Variants in NEBL observed in about 807,000 individuals in gnomAD.
The protein encoded by NEBL is nebulette.
Under a neutral mutation model 140.2 loss-of-function variants are expected in NEBL, and 122 were observed. That is an observed-to-expected ratio of 0.87 (90% CI 0.75 to 1.01). The LOEUF is 1.01. NEBL is among the 50% of genes least tolerant of loss of function. The pLI, the probability that NEBL is intolerant of heterozygous loss-of-function variation, is 0.00. For missense variants in NEBL, 1,365 were observed against 1,231.3 expected, an observed-to-expected ratio of 1.11 and a Z score of -1.62; for synonymous variants, 436 against 398.9, an observed-to-expected ratio of 1.09 and a Z score of -1.11.
At chr10:20,927,818 C>G (rs996152569) in intron 4 of NEBL, among the ~76,000 whole-genome samples, 5 of 152,150 alleles carry the variant, frequency 3.3e-5, no homozygotes, top group Non-Finnish European at 7.3e-5. Context: ...GTTTCCTAAA[C>G]TGTTTCTGCT....
intron 7 of NEBL, among the ~76,000 whole-genome samples, chr10:20,861,575 C>A (rs940091402): frequency 3.9e-5 from 6 of 152,156 alleles, no homozygotes; most frequent in African/African-American, 1.4e-4. Context: ...AAAGGATATT[C>A]ACTGAACAAA....
At chr10:21,199,533 C>T (rs959535974) in intron 3 of NEBL, among the ~76,000 whole-genome samples, 17 of 152,166 alleles carry the variant, frequency 1.1e-4, no homozygotes, top group Non-Finnish European at 1.9e-4. Flanking sequence ...CTGACTAAAA[C>T]TAGATAGTAC....
Position 20,869,927 on chromosome 10 carries a change from TC to T in NEBL, c.481-87del, listed in dbSNP as rs1844749480. The T allele has an allele frequency of 3.2e-6, 3 of 925,464 alleles. No individual in the cohort carries two copies. The African/African-American group carries it at 4.9e-5, about 15-fold the overall frequency. 57.3% of individuals were successfully genotyped at this position (925,464 alleles called of 1,614,324 possible). A position where few individuals can be genotyped will look rare whatever the true frequency, so the allele number is the denominator to read the frequency against. On this transcript the variant is annotated intron_variant, in intron 5 of 27. Coordinates refer to ENST00000377122, the MANE Select transcript of NEBL (RefSeq NM_006393.3). ...TCTTAGTGTTCATAACATTATTTAT[TC>T]TCATAATAATAGCTTAGAGAGCCTA...
intron 2 of NEBL, among the ~76,000 whole-genome samples, chr10:21,083,949 G>T (rs1836501596): frequency 6.6e-6 from 1 of 152,224 alleles, no homozygotes; most frequent in Admixed American, 6.5e-5. Context: ...TTACTGAAGA[G>T]CCTATGGCCT....
In NEBL at chr10:21,254,245, C is replaced by T. The variant is rs924363317; in HGVS notation, n.183-2417G>A. On this transcript the variant is annotated intron_variant and non_coding_transcript_variant, in intron 1 of 8. Coordinates refer to the NEBL transcript ENST00000675702. ...CTTGAACCACTGGGCTCAAGTGATCCTCCCATCTCAGCCTTCCAAATAGCT... is the reference window on the plus strand; with the variant it reads ...CTTGAACCACTGGGCTCAAGTGATCTTCCCATCTCAGCCTTCCAAATAGCT... 3.3e-5 allele frequency among the ~76,000 whole-genome samples: 5 copies of T among 152,084 alleles called. No homozygotes were observed. The South Asian group carries it at 1.0e-3, about 31-fold the overall frequency.
intron 1 of NEBL, among the ~76,000 whole-genome samples, chr10:21,292,646 T>G (rs1237069411): frequency 6.6e-6 from 1 of 152,192 alleles, no homozygotes; most frequent in East Asian, 1.9e-4. Flanking sequence ...AAAAAGGACT[T>G]TTTCCCTCTA....
chr10:21,180,886 A>G (rs187995603), intron 3 of NEBL, among the ~76,000 whole-genome samples: 1 of 152,266 alleles, frequency 6.6e-6, no homozygotes, highest in Non-Finnish European at 1.5e-5. Context: ...ACTCTCCTAG[A>G]CAGGATGTAG....
At chr10:21,163,808 TC>T (rs1332579925) in intron 2 of NEBL, among the ~76,000 whole-genome samples, 3 of 150,944 alleles carry the variant, frequency 2.0e-5, no homozygotes, top group African/African-American at 7.5e-5. Context: ...TTCTGGCTCC[TC>T]CTAGAATTCA....
chr10:20,900,305 T>C (rs1408660791), upstream of NEBL, among the ~76,000 whole-genome samples: 1 of 152,226 alleles, frequency 6.6e-6, no homozygotes, highest in Non-Finnish European at 1.5e-5. Flanking sequence ...CCATGTCCTC[T>C]AGGGCAAATT....
intron 12 of NEBL, among the ~76,000 whole-genome samples, chr10:20,841,905 T>C (rs965515522): frequency 6.6e-6 from 1 of 152,128 alleles, no homozygotes; most frequent in Non-Finnish European, 1.5e-5. Context: ...ATTTCACCCA[T>C]TTGAATGTCA....
rs186595036 is a variant in NEBL, at chr10:20,810,900, A to G, written c.2519-1002T>C. 2.2e-3 allele frequency among the ~76,000 whole-genome samples: 332 copies of G among 152,352 alleles called. 1 individual carries two copies. The highest frequency in any genetic ancestry group is 7.7e-3 in the African/African-American group (322 of 41,588). The stretch of plus-strand genomic sequence containing the variant: ...CACCTAATTAATTTAAGTTTCATAC[A>G]TATTATCCTCATTTTGTAGATGAGG... On this transcript the variant is annotated intron_variant, in intron 24 of 27. Transcript: ENST00000377122.
At chr10:21,125,995 T>A (rs1838809216) in intron 2 of NEBL, 1 of 1,614,098 alleles carries the variant, frequency 6.2e-7, no homozygotes, top group Non-Finnish European at 8.5e-7. Flanking sequence ...GGGCGGCTTG[T>A]AGAGACTGAA....
At chr10:21,048,451 CAAA>C (rs10626391) in intron 2 of NEBL, among the ~76,000 whole-genome samples, 1 of 103,208 alleles carries the variant, frequency 9.7e-6, no homozygotes. Flanking sequence ...AAATTTCTAC[CAAA>C]AAAAAAAAAA....
At chr10:20,856,894 G>A (rs1399054146) in intron 9 of NEBL, among the ~76,000 whole-genome samples, 1 of 151,722 alleles carries the variant, frequency 6.6e-6, no homozygotes, top group Non-Finnish European at 1.5e-5. Flanking sequence ...GAGCACATTG[G>A]TGCCATCTCA....
chr10:21,227,550 G>A (rs1213599024), intron 3 of NEBL, among the ~76,000 whole-genome samples: 1 of 152,238 alleles, frequency 6.6e-6, no homozygotes, highest in African/African-American at 2.4e-5. Flanking sequence ...CTCTCTGGCT[G>A]TAAGCCAGTT....
At chr10:20,857,622 C>T (rs1184617310) in intron 9 of NEBL, among the ~76,000 whole-genome samples, 1 of 152,084 alleles carries the variant, frequency 6.6e-6, no homozygotes, top group East Asian at 1.9e-4. Flanking sequence ...TCCTGATGTG[C>T]TATGGGTTGA....
chr10:21,091,323 T>C (rs772834279), intron 2 of NEBL, among the ~76,000 whole-genome samples: 1 of 152,202 alleles, frequency 6.6e-6, no homozygotes, highest in African/African-American at 2.4e-5. Context: ...TGGATTCTCA[T>C]TTTCCTCAAA....
At chr10:21,156,693 T>A (rs1589293457) in intron 2 of NEBL, among the ~76,000 whole-genome samples, 2 of 152,226 alleles carry the variant, frequency 1.3e-5, no homozygotes, top group South Asian at 4.1e-4. Context: ...CAATCCTTCA[T>A]TGCTTAATAA....
intron 3 of NEBL, among the ~76,000 whole-genome samples, chr10:21,216,258 CA>C (rs1297884834): frequency 3.3e-5 from 5 of 152,176 alleles, no homozygotes; most frequent in African/African-American, 1.2e-4. Flanking sequence ...GCCACATATC[CA>C]AGTGCCTGTG....
Sources: gnomAD v4.1 joint callset for allele counts (sites outside exome capture counted in the v4.1 genomes callset) on GRCh38, gnomAD v4.1.1 for gene constraint, MANE v1.5 for transcripts, NCBI Gene and HGNC (gene_info 2026-07-23, HGNC 2026-07-21) for gene names.